The following TLN2 variants were observed in gnomAD, a reference collection of about 807,000 sequenced individuals.
TLN2 encodes talin-2.
A neutral mutation model predicts 294.7 loss-of-function variants in TLN2; 118 were observed. That is an observed-to-expected ratio of 0.40 (90% confidence interval 0.34 to 0.47). The LOEUF is 0.47. TLN2 is among the 20% of genes least tolerant of loss of function. TLN2 has a pLI of 0.84. For missense variants in TLN2, 3,083 were observed against 3,282.2 expected (o/e 0.94, Z 1.48); for synonymous variants, 1,431 against 1,304.5 (o/e 1.10, Z -2.09).
chr15:62,741,748 C>CGTGTGTGTGTGTGTGTGTGTGT (rs1555495658), intron 32 of TLN2, among the ~76,000 whole-genome samples: 41 of 131,162 alleles, frequency 3.1e-4, no homozygotes, highest in African/African-American at 1.1e-3. Flanking sequence ...AAAATTTGCG[C>CGTGTGTGTGTGTGTGTGTGTGT]GTGTGTGTGT....
chr15:62,564,862 T>G (rs1485798916), intron 1 of TLN2, among the ~76,000 whole-genome samples: 1 of 144,504 alleles, frequency 6.9e-6, no homozygotes, highest in Non-Finnish European at 1.5e-5. Flanking sequence ...GAGCCGAGAT[T>G]GCACCACTTC....
chr15:62,579,205 C>A (rs931510853), intron 1 of TLN2, among the ~76,000 whole-genome samples: 1 of 152,058 alleles, frequency 6.6e-6, no homozygotes, highest in African/African-American at 2.4e-5. Flanking sequence ...GCAAAAAAAT[C>A]ACTGGCCATG....
At chr15:62,691,838 TA>T (rs879805197) in intron 12 of TLN2, among the ~76,000 whole-genome samples, 816 of 145,224 alleles carry the variant, frequency 5.6e-3, no homozygotes, top group African/African-American at 7.3e-3. Flanking sequence ...CCTGGCTAAT[TA>T]AAAAAAAAAA....
chr15:62,748,541 C>A (rs746567757), intron 33 of TLN2, 97 bp downstream of exon 33: 16 of 1,010,642 alleles, frequency 1.6e-5, no homozygotes, highest in Non-Finnish European at 2.4e-5. Context: ...CTGTTCTTTC[C>A]CTATAGGGCT....
At chr15:62,487,249 A>T (rs1483198640) in intron 1 of TLN2, among the ~76,000 whole-genome samples, 1 of 152,108 alleles carries the variant, frequency 6.6e-6, no homozygotes, top group African/African-American at 2.4e-5. Flanking sequence ...AACTTGCGTG[A>T]TGTGTACATA....
chr15:62,407,566 T>G (rs1425844394), intron 1 of TLN2, among the ~76,000 whole-genome samples: 12 of 152,098 alleles, frequency 7.9e-5, no homozygotes, highest in African/African-American at 2.7e-4. Flanking sequence ...ACCACCAAGT[T>G]TTCATTTGAT....
intron 2 of TLN2, among the ~76,000 whole-genome samples, chr15:62,609,950 C>G (rs2047778268): frequency 6.6e-6 from 1 of 152,178 alleles, no homozygotes; most frequent in South Asian, 2.1e-4. Flanking sequence ...AGCCAGTAGG[C>G]ACCCTTTCAA....
chr15:62,587,232 G>A (rs188742184), intron 1 of TLN2, among the ~76,000 whole-genome samples: 1 of 152,336 alleles, frequency 6.6e-6, no homozygotes, highest in African/African-American at 2.4e-5. Context: ...GACAGAGAAG[G>A]AGAGTGGACA....
At chr15:62,757,838 G>C (rs763880461) in intron 37 of TLN2, among the ~76,000 whole-genome samples, 17 of 152,154 alleles carry the variant, frequency 1.1e-4, no homozygotes, top group Non-Finnish European at 2.2e-4. Context: ...AATGGGCCTG[G>C]TTTTTCAATT....
intron 43 of TLN2, among the ~76,000 whole-genome samples, chr15:62,778,972 C>A (rs879599623): frequency 6.6e-6 from 1 of 152,178 alleles, no homozygotes; most frequent in Non-Finnish European, 1.5e-5. Context: ...GTGCAGCAAG[C>A]GTTAGAAAGC....
chr15:62,426,636 G>A (rs983900724), intron 1 of TLN2, among the ~76,000 whole-genome samples: 5 of 152,234 alleles, frequency 3.3e-5, no homozygotes, highest in African/African-American at 9.6e-5. Context: ...ATCACTGGGG[G>A]CCCCGGGTGT....
chr15:62,509,752 C>A (rs1236976230), intron 1 of TLN2, among the ~76,000 whole-genome samples: 2 of 152,280 alleles, frequency 1.3e-5, no homozygotes, highest in African/African-American at 4.8e-5. Context: ...GACAGGACCA[C>A]TGAAGCCAGG....
Position 62,709,148 on chromosome 15 carries a change from A to AT in TLN2, c.2467+354dup, listed in dbSNP as rs1181467165. ...TCAAGGCTTGGAATTTAAGAAGTTT[A>AT]TTATACTTGCATGTCCCCTGGAGGG... On this transcript the variant is annotated intron_variant, in intron 21 of 58. Coordinates refer to ENST00000636159, the MANE Select transcript of TLN2 (RefSeq NM_015059.3). 5.3e-5 allele frequency among the ~76,000 whole-genome samples: 8 copies of AT among 152,310 alleles called. No individual in the cohort carries two copies. In the South Asian group the frequency reaches 1.7e-3, roughly 32 times the overall value.
At chr15:62,700,121 T>G (rs1413293767) in intron 16 of TLN2, among the ~76,000 whole-genome samples, 3 of 152,216 alleles carry the variant, frequency 2.0e-5, no homozygotes, top group Non-Finnish European at 2.9e-5. Context: ...AACATTTGCT[T>G]TGGGGAACTC....
In TLN2 at chr15:62,661,271, T is replaced by TC. The variant is rs536609542; in HGVS notation, c.788+3373_788+3374insC. On this transcript the variant is annotated intron_variant, in intron 9 of 58. Coordinates refer to ENST00000636159, the MANE Select transcript of TLN2 (RefSeq NM_015059.3). The stretch of plus-strand genomic sequence containing the variant: ...ACTCTAGGTGACAGATATAGAATGT[T>TC]AGTACACTATTTTTTCAACATTGTG... 6.2e-4 allele frequency among the ~76,000 whole-genome samples: 94 copies of TC among 152,272 alleles called. 1 individual carries two copies. The East Asian group carries it at 6.4e-3, about 10-fold the overall frequency.
At chr15:62,755,481 C>A in intron 36 of TLN2, 51 bp from the exon 37 acceptor site, 1 of 1,582,622 alleles carries the variant, frequency 6.3e-7, no homozygotes, top group Non-Finnish European at 8.6e-7. Flanking sequence ...CGGGGTGGAC[C>A]CCTCTGCACT....
intron 1 of TLN2, among the ~76,000 whole-genome samples, chr15:62,477,996 C>A (rs995567054): frequency 1.3e-5 from 2 of 152,152 alleles, no homozygotes; most frequent in Non-Finnish European, 2.9e-5. Flanking sequence ...CGTTGCTTTA[C>A]TTTCATAAGC....
intron 1 of TLN2, among the ~76,000 whole-genome samples, chr15:62,549,780 C>G (rs1372390178): frequency 6.6e-6 from 1 of 151,940 alleles, no homozygotes; most frequent in African/African-American, 2.4e-5. Context: ...TTGGATAGGG[C>G]AGGGGGCAGA....
chr15:62,816,654 C>T (rs1393988688), intron 52 of TLN2, among the ~76,000 whole-genome samples: 5 of 152,106 alleles, frequency 3.3e-5, no homozygotes, highest in African/African-American at 1.2e-4. Context: ...AACATCCTTC[C>T]CTTGTCTTGA....
Sources: gnomAD v4.1 joint callset for allele counts (sites outside exome capture counted in the v4.1 genomes callset) on GRCh38, gnomAD v4.1.1 for gene constraint, MANE v1.5 for transcripts, NCBI Gene and HGNC (gene_info 2026-07-23, HGNC 2026-07-21) for gene names.